The following OPCML variants were observed in gnomAD, a reference collection of about 807,000 sequenced individuals.
OPCML encodes opioid-binding protein/cell adhesion molecule.
In OPCML, 13 loss-of-function variants were observed where a neutral mutation model predicts 37.8. That is an observed-to-expected ratio of 0.34 (90% confidence interval 0.22 to 0.55). OPCML has a LOEUF of 0.55. OPCML is among the 20% of genes least tolerant of loss of function. The probability of loss-of-function intolerance (pLI) is 0.91; values close to 1 mark genes in which losing one functional copy is unlikely to be tolerated. For missense variants in OPCML, 341 were observed against 435.6 expected, an observed-to-expected ratio of 0.78 and a Z score of 1.93; for synonymous variants, 176 against 168.8, an observed-to-expected ratio of 1.04 and a Z score of -0.33.
intron 1 of OPCML, among the ~76,000 whole-genome samples, chr11:133,229,480 G>T (rs921278821): frequency 6.6e-6 from 1 of 152,020 alleles, no homozygotes; most frequent in East Asian, 1.9e-4. Flanking sequence ...TCCTTTTCCT[G>T]CTAAGATTTT....
intron 2 of OPCML, among the ~76,000 whole-genome samples, chr11:132,895,876 C>A (rs981137596): frequency 2.0e-5 from 3 of 151,998 alleles, no homozygotes; most frequent in African/African-American, 4.8e-5. Flanking sequence ...AGGTGAGGTT[C>A]AAAGTGTGAT....
intron 3 of OPCML, among the ~76,000 whole-genome samples, chr11:132,600,490 G>A (rs1000664628): frequency 1.5e-4 from 23 of 152,160 alleles, no homozygotes; most frequent in African/African-American, 5.5e-4. Context: ...TATGAGAGGG[G>A]CTGTAAGAAG....
intron 4 of OPCML, among the ~76,000 whole-genome samples, chr11:132,521,596 G>A (rs2096293925): frequency 6.6e-6 from 1 of 151,938 alleles, no homozygotes; most frequent in Non-Finnish European, 1.5e-5. Flanking sequence ...AATACACACT[G>A]GGGCTTGTCG....
chr11:133,051,335 A>T (rs889722028), intron 1 of OPCML, among the ~76,000 whole-genome samples: 45 of 152,288 alleles, frequency 3.0e-4, no homozygotes, highest in Admixed American at 2.4e-3. Flanking sequence ...GACACAGATG[A>T]TCTGCATCTT....
At chr11:133,170,782 G>T (rs1440800956) in intron 1 of OPCML, among the ~76,000 whole-genome samples, 2 of 152,180 alleles carry the variant, frequency 1.3e-5, no homozygotes, top group Non-Finnish European at 2.9e-5. Context: ...AACAGGAAAG[G>T]TCTACCTGGA....
rs1194330288 is a variant in OPCML at position 132,589,972 on chromosome 11, G to T, written c.380-60786C>A. On this transcript the variant is annotated intron_variant, in intron 3 of 7. Transcript: ENST00000524381. Reference sequence around the variant, plus strand: ...ACTTGAACATGTAAAACTCTCCTTGGCTCATGCTTTGGCCAGCTGGGCTTA... The same window carrying T: ...ACTTGAACATGTAAAACTCTCCTTGTCTCATGCTTTGGCCAGCTGGGCTTA... 2.0e-5 allele frequency among the ~76,000 whole-genome samples: 3 copies of T among 152,198 alleles called. No homozygotes were observed. The East Asian group carries it at 5.8e-4, about 29-fold the overall frequency.
Position 133,308,513 on chromosome 11 carries a change from G to T in OPCML, c.61+223751C>A, listed in dbSNP as rs552734186. 2.6e-5 allele frequency among the ~76,000 whole-genome samples: 4 copies of T among 152,182 alleles called. No homozygotes were observed. The South Asian group carries it at 8.3e-4, about 32-fold the overall frequency. On this transcript the variant is annotated intron_variant, in intron 1 of 7. Transcript: ENST00000524381. ...CAAAGCTATCAATATGGACTCATGG[G>T]ATTTAAAAATATACTGCAGATATAT...
intron 2 of OPCML, among the ~76,000 whole-genome samples, chr11:132,867,551 T>C (rs1201158355): frequency 6.6e-6 from 1 of 152,176 alleles, no homozygotes. Flanking sequence ...ATTGAATTGA[T>C]TTCTTTATGG....
chr11:133,417,762 A>T (rs1194559972), intron 1 of OPCML, among the ~76,000 whole-genome samples: 2 of 151,926 alleles, frequency 1.3e-5, no homozygotes, highest in African/African-American at 4.8e-5. Context: ...TCGGGAGGAG[A>T]CCACCAATTG....
At chr11:133,153,547 G>A (rs562999442) in intron 1 of OPCML, among the ~76,000 whole-genome samples, 1 of 152,236 alleles carries the variant, frequency 6.6e-6, no homozygotes, top group African/African-American at 2.4e-5. Context: ...CTGCTCACTC[G>A]AGAGCTGGCC....
At chr11:132,973,080 T>C (rs1946377801) in intron 1 of OPCML, among the ~76,000 whole-genome samples, 1 of 152,184 alleles carries the variant, frequency 6.6e-6, no homozygotes, top group South Asian at 2.1e-4. Flanking sequence ...TGTTTGTTTT[T>C]AATCAACTTT....
intron 1 of OPCML, among the ~76,000 whole-genome samples, chr11:133,028,626 T>G (rs562655272): frequency 8.8e-4 from 134 of 151,594 alleles, no homozygotes; most frequent in Admixed American, 1.7e-3. Context: ...CCCCCATAGT[T>G]GCTAAAACTC....
intron 2 of OPCML, among the ~76,000 whole-genome samples, chr11:132,768,574 A>G (rs1946535520): frequency 6.6e-6 from 1 of 152,194 alleles, no homozygotes; most frequent in African/African-American, 2.4e-5. Flanking sequence ...TGTAGCTATC[A>G]TTTACAAACC....
chr11:133,421,843 T>G (rs1945893174), intron 1 of OPCML: 1 of 837,992 alleles, frequency 1.2e-6, no homozygotes, highest in African/African-American at 1.8e-5. Flanking sequence ...AAGCCATCCC[T>G]ACTGTAACCT....
intron 1 of OPCML, among the ~76,000 whole-genome samples, chr11:133,477,034 C>G (rs1021828392): frequency 1.3e-5 from 2 of 152,174 alleles, no homozygotes; most frequent in Admixed American, 6.5e-5. Flanking sequence ...AAATGCACAG[C>G]TTAACTGCGC....
intron 4 of OPCML, among the ~76,000 whole-genome samples, chr11:132,511,324 AAT>A (rs1372340292): frequency 1.3e-5 from 2 of 152,182 alleles, no homozygotes; most frequent in Non-Finnish European, 2.9e-5. Context: ...GGAAAAACTC[AAT>A]ACTATTAAAT....
chr11:132,746,572 G>A lies in OPCML; in HGVS notation c.147-89253C>T, dbSNP rs370323608. Among the ~76,000 whole-genome samples the A allele has an allele frequency of 2.6e-3, 395 of 152,156 alleles. 3 individuals carry two copies. The highest frequency in any genetic ancestry group is 8.8e-3 in the African/African-American group (366 of 41,516). On this transcript the variant is annotated intron_variant, in intron 2 of 7. Coordinates refer to ENST00000524381, the MANE Select transcript of OPCML (RefSeq NM_001012393.5). Reference sequence around the variant, plus strand: ...CTATTATTTCCACTGCTGCCTCCCCGGCCTCACCCACGAGACAGTCAGAGG... The same window carrying A: ...CTATTATTTCCACTGCTGCCTCCCCAGCCTCACCCACGAGACAGTCAGAGG...
intron 1 of OPCML, among the ~76,000 whole-genome samples, chr11:133,469,960 G>T (rs1189304710): frequency 6.6e-6 from 1 of 152,164 alleles, no homozygotes; most frequent in Admixed American, 6.5e-5. Context: ...AATCCTTACA[G>T]TCTCTGACAC....
intron 3 of OPCML, among the ~76,000 whole-genome samples, chr11:132,601,446 G>A (rs1036211023): frequency 2.6e-5 from 4 of 152,170 alleles, no homozygotes; most frequent in African/African-American, 9.7e-5. Context: ...GCACTCATTT[G>A]TCAAAACCTG....
Sources: gnomAD v4.1 joint callset for allele counts (sites outside exome capture counted in the v4.1 genomes callset) on GRCh38, gnomAD v4.1.1 for gene constraint, MANE v1.5 for transcripts, NCBI Gene and HGNC (gene_info 2026-07-23, HGNC 2026-07-21) for gene names.